STK10: variants seen among roughly 807,000 people sequenced by gnomAD.
STK10 encodes serine/threonine kinase 10.
A neutral mutation model predicts 113.8 loss-of-function variants in STK10; 78 were observed. The observed-to-expected ratio is 0.69, with a 90% CI of 0.57 to 0.83. STK10 has a LOEUF of 0.83. Ranked by LOEUF, STK10 falls within the 40% of genes least tolerant of loss-of-function variation. STK10 has a pLI of 0.00. For synonymous variants in STK10, 465 were observed against 494.7 expected (o/e 0.94, Z 0.80); for missense variants, 1,109 against 1,280.1 (o/e 0.87, Z 2.04).
At chr5:172,050,593 A>C (rs904193783) in intron 18 of STK10, among the ~76,000 whole-genome samples, 1 of 152,212 alleles carries the variant, frequency 6.6e-6, no homozygotes, top group Non-Finnish European at 1.5e-5. Flanking sequence ...AACTGAGCTG[A>C]TCACGTCAAG....
chr5:172,119,700 T>TA lies in STK10; in HGVS notation c.371-2071dup, dbSNP rs1224545532. On this transcript the variant is annotated intron_variant, in intron 3 of 18. Coordinates refer to ENST00000176763, the MANE Select transcript of STK10 (RefSeq NM_005990.4). ...TAAAACGGTGAAACCCCGTCTCTAC[T>TA]AAAAATACAAAAAATTAGCCGGGCG... Among the ~76,000 whole-genome samples, 4 of 147,182 alleles carry TA rather than the reference T, an allele frequency of 2.7e-5. 1 individual carries two copies. The highest frequency in any genetic ancestry group is 1.0e-4 in the African/African-American group (4 of 38,368).
At chr5:172,151,860 G>A (rs1002924707) in intron 2 of STK10, among the ~76,000 whole-genome samples, 6 of 152,300 alleles carry the variant, frequency 3.9e-5, no homozygotes, top group Non-Finnish European at 7.3e-5. Flanking sequence ...ACGTTACTCT[G>A]CCGCTCTCCC....
Position 172,187,931 on chromosome 5 carries a change from T to C in STK10, c.112A>G (p.Ile38Val). 6.2e-7 allele frequency: 1 copy of C among 1,613,400 alleles called. No homozygotes were observed. Among genetic ancestry groups the C allele is most frequent in the South Asian group, 1.1e-5 (1 of 91,066 alleles). The change falls in exon 1 of 19, where the codon ATC (isoleucine) becomes GTC (valine). Residue 38 changes from isoleucine (I) to valine (V), a missense_variant. Physicochemically the swap from Ile to Val is conservative, Grantham distance 29. Coordinates refer to ENST00000176763, the MANE Select transcript of STK10 (RefSeq NM_005990.4). This position sits in a 1 kb window ranked among gnomAD's most constrained non-coding sequence, Gnocchi z 4.6. ...GCGCCGTCGCCCAGCTCGCCCACGATCTCCCACACCTCGTTGGGGTCCAGG... is the reference window on the plus strand; with the variant it reads ...GCGCCGTCGCCCAGCTCGCCCACGACCTCCCACACCTCGTTGGGGTCCAGG... ...RDLDPNEVWEIVGELGDGAFG... is the reference protein window; with the variant it reads ...RDLDPNEVWEVVGELGDGAFG...
chr5:172,151,828 G>A (rs548357036), intron 2 of STK10, among the ~76,000 whole-genome samples: 1 of 152,324 alleles, frequency 6.6e-6, no homozygotes, highest in Admixed American at 6.5e-5. Flanking sequence ...AGCATGTGCT[G>A]CAGACAGTCT....
chr5:172,135,347 A>G (rs1769831435), intron 2 of STK10, among the ~76,000 whole-genome samples: 1 of 152,116 alleles, frequency 6.6e-6, no homozygotes, highest in East Asian at 1.9e-4. Context: ...CCCTGTCTCT[A>G]ATAAAAATAC....
intron 2 of STK10, among the ~76,000 whole-genome samples, chr5:172,145,959 C>T (rs1770078065): frequency 6.6e-6 from 1 of 152,220 alleles, no homozygotes; most frequent in Non-Finnish European, 1.5e-5. Flanking sequence ...GCTGGAGAAA[C>T]AACAGGTGTC....
Position 172,053,049 on chromosome 5 carries a change from C to A in STK10, c.2653-7G>T. On this transcript the variant is annotated splice_region_variant and splice_polypyrimidine_tract_variant and intron_variant, in intron 17 of 18. Transcript: ENST00000176763. ...GGAGGTGGCACTTTTCATTCTGGAACAGATTCCAGGCAGAACAGGTGAGAA... is the reference window on the plus strand; with the variant it reads ...GGAGGTGGCACTTTTCATTCTGGAAAAGATTCCAGGCAGAACAGGTGAGAA... The A allele has an allele frequency of 6.2e-7, 1 of 1,612,886 alleles. No homozygotes were observed. Among genetic ancestry groups the A allele is most frequent in the Non-Finnish European group, 8.5e-7 (1 of 1,179,030 alleles).
chr5:172,060,997 C>T, intron 14 of STK10, 142 bp downstream of exon 14: 3 of 1,325,884 alleles, frequency 2.3e-6, no homozygotes, highest in Non-Finnish European at 3.0e-6. Flanking sequence ...GGGCTTTTCC[C>T]CAGGTTTCCC....
chr5:172,131,081 T>C (rs1183838368), intron 2 of STK10, among the ~76,000 whole-genome samples: 2 of 144,618 alleles, frequency 1.4e-5, no homozygotes, highest in East Asian at 4.1e-4. Context: ...TTGCCCAGGC[T>C]GGAGTGCAGT....
Position 172,055,627 on chromosome 5 carries a change from G to A in STK10, c.2487C>T (p.Gly829=), listed in dbSNP as rs750163511. ...AMYKKSLHIN[G]GGSAAEQREK... ...CACGCTGCTCAGCTGCGCTGCCCCC[G>A]CCGTTGATGTGGAGGCTCTTCTTGT... The change falls in exon 16 of 19, where the codon GGC becomes GGT. Residue 829 remains glycine, a synonymous_variant. Transcript: ENST00000176763. 4.5e-6 allele frequency: 7 copies of A among 1,557,366 alleles called. No individual in the cohort carries two copies. The Admixed American group carries it at 5.7e-5, about 13-fold the overall frequency.
At chr5:172,101,969 G>T (rs1259517342) in intron 7 of STK10, among the ~76,000 whole-genome samples, 16 of 145,998 alleles carry the variant, frequency 1.1e-4, no homozygotes, top group East Asian at 1.9e-4. Context: ...TCAGCAGGGT[G>T]GGGGGGGCGG....
At position 172,117,586 on chromosome 5, in the gene STK10, G is replaced by A. The variant is rs755210612; in HGVS notation, c.415C>T (p.Arg139Cys). The A allele has an allele frequency of 1.2e-5, 19 of 1,613,886 alleles. No homozygotes were observed. The African/African-American group carries it at 1.5e-4, about 12-fold the overall frequency. The change falls in exon 4 of 19, where the codon CGC becomes TGC. Residue 139 changes from arginine (R) to cysteine (C), a missense_variant. Coordinates refer to ENST00000176763, the MANE Select transcript of STK10 (RefSeq NM_005990.4). Reference sequence around the variant, plus strand: ...AAGTTGAGGGCTTCTAGCATCTGGCGGCAAACCACCTGTATCTGGGGCTCC... The same window carrying A: ...AAGTTGAGGGCTTCTAGCATCTGGCAGCAAACCACCTGTATCTGGGGCTCC... ...LTEPQIQVVCRQMLEALNFLH... is the reference protein window; with the variant it reads ...LTEPQIQVVCCQMLEALNFLH...
intron 2 of STK10, among the ~76,000 whole-genome samples, chr5:172,137,267 T>C (rs1352081531): frequency 6.6e-6 from 1 of 152,068 alleles, no homozygotes; most frequent in Non-Finnish European, 1.5e-5. Context: ...ATAAAGTCAC[T>C]CTGGTTTGAA....
intron 7 of STK10, among the ~76,000 whole-genome samples, chr5:172,103,800 A>T (rs1769044424): frequency 6.6e-6 from 1 of 152,092 alleles, no homozygotes; most frequent in African/African-American, 2.4e-5. Context: ...GCATTCCTGG[A>T]GCACTGTGCT....
chr5:172,137,945 A>G (rs6868777), intron 2 of STK10, among the ~76,000 whole-genome samples: 57,996 of 149,686 alleles, frequency 0.39, 11,926 homozygotes, highest in African/African-American at 0.54. Context: ...AAAATGCACA[A>G]TTAACATCGC....
intron 7 of STK10, among the ~76,000 whole-genome samples, chr5:172,099,261 C>G (rs555097491): frequency 3.3e-5 from 5 of 152,346 alleles, no homozygotes; most frequent in Admixed American, 3.3e-4. Flanking sequence ...CCCGTTATGG[C>G]CCGGCACAGT....
chr5:172,103,580 G>A (rs1014088530), intron 7 of STK10, among the ~76,000 whole-genome samples: 46 of 152,066 alleles, frequency 3.0e-4, no homozygotes, highest in African/African-American at 9.4e-4. Context: ...AGCCCCACTC[G>A]ACCCCACCCA....
intron 2 of STK10, among the ~76,000 whole-genome samples, chr5:172,129,821 C>T (rs190773995): frequency 3.1e-4 from 47 of 152,332 alleles, no homozygotes; most frequent in Admixed American, 5.9e-4. Flanking sequence ...CACTTACTAG[C>T]TGGGCGACCT....
intron 3 of STK10, among the ~76,000 whole-genome samples, chr5:172,118,658 A>AT (rs1769439311): frequency 6.7e-6 from 1 of 148,204 alleles, no homozygotes; most frequent in South Asian, 2.1e-4. Context: ...GGCGGGGGGG[A>AT]TCACGAGGTC....
Sources: allele counts gnomAD v4.1 joint callset (sites outside exome capture counted in the v4.1 genomes callset), GRCh38; gene constraint gnomAD v4.1.1; non-coding constraint Gnocchi (gnomAD v3.1); transcripts MANE v1.5; gene names NCBI Gene and HGNC (gene_info 2026-07-23, HGNC 2026-07-21).